OSTN: variants seen among roughly 807,000 people sequenced by gnomAD.
The protein encoded by OSTN is osteocrin.
Under a neutral mutation model 12.0 loss-of-function variants are expected in OSTN, and 9 were observed. That is an observed-to-expected ratio of 0.75 (90% CI 0.45 to 1.30). The LOEUF is 1.30. Among genes scored for constraint, OSTN ranks in the 50% most tolerant of loss-of-function variants. The probability of loss-of-function intolerance (pLI) is 0.00; values close to 1 mark genes in which losing one functional copy is unlikely to be tolerated. For missense variants in OSTN, 148 were observed against 152.3 expected (o/e 0.97, Z 0.15); for synonymous variants, 59 against 56.9 (o/e 1.04, Z -0.16).
At chr3:191,232,442 T>C (rs1715082437) in intron 3 of OSTN, among the ~76,000 whole-genome samples, 1 of 150,670 alleles carries the variant, frequency 6.6e-6, no homozygotes, top group Admixed American at 6.6e-5. Flanking sequence ...TTGTGATTTA[T>C]ATGAGTAACA....
chr3:191,203,270 G>C (rs1714192354), intron 1 of OSTN, among the ~76,000 whole-genome samples: 1 of 152,176 alleles, frequency 6.6e-6, no homozygotes, highest in African/African-American at 2.4e-5. Flanking sequence ...CATTCTGTAA[G>C]GTGCTGAGAT....
chr3:191,230,928 G>A (rs756509726), intron 3 of OSTN, among the ~76,000 whole-genome samples: 1 of 152,090 alleles, frequency 6.6e-6, no homozygotes, highest in Non-Finnish European at 1.5e-5. Flanking sequence ...GAGAAGTTTG[G>A]CAGTGTTAAG....
intron 1 of OSTN, among the ~76,000 whole-genome samples, chr3:191,203,329 C>T (rs1487834766): frequency 7.2e-5 from 11 of 152,132 alleles, no homozygotes; most frequent in Non-Finnish European, 1.0e-4. Context: ...TTTATAACAA[C>T]TAAACCCTTT....
At position 191,265,213 on chromosome 3, in the gene OSTN, C is replaced by T. The variant is rs1715896043; in HGVS notation, c.*2360C>T. The stretch of plus-strand genomic sequence containing the variant: ...AGGTATTACTAATCCAACTATATTT[C>T]AACTTGAAGGGACTTTTTTGTTTTG... On this transcript the variant is annotated 3_prime_UTR_variant, in exon 5 of 5. Transcript: ENST00000682035. The T allele has an allele frequency of 6.6e-6, 1 of 152,154 alleles. No homozygotes were observed. Among genetic ancestry groups the T allele is most frequent in the Admixed American group, 6.5e-5 (1 of 15,286 alleles). The allele number at this position is 152,154 out of a possible 1,614,324, so 9.4% of individuals were successfully genotyped here. A position where few individuals can be genotyped will look rare whatever the true frequency, so the allele number is the denominator to read the frequency against.
intron 3 of OSTN, among the ~76,000 whole-genome samples, chr3:191,244,326 T>A (rs1715384187): frequency 6.6e-6 from 1 of 151,980 alleles, no homozygotes; most frequent in African/African-American, 2.4e-5. Flanking sequence ...TCATTGTGAT[T>A]GTATTAAATT....
chr3:191,214,826 A>G (rs1434656756), intron 2 of OSTN, among the ~76,000 whole-genome samples: 1 of 152,182 alleles, frequency 6.6e-6, no homozygotes, highest in East Asian at 1.9e-4. Flanking sequence ...AAACCTGTCC[A>G]ACATGGTGAA....
intron 3 of OSTN, chr3:191,228,673 T>C (rs1253948308): frequency 1.3e-5 from 2 of 152,226 alleles, no homozygotes; most frequent in Non-Finnish European, 2.9e-5. Context: ...TATCAGTTCA[T>C]TGCTTTTGAA....
chr3:191,223,775 C>T (rs1192226439), intron 3 of OSTN, among the ~76,000 whole-genome samples: 1 of 151,572 alleles, frequency 6.6e-6, no homozygotes, highest in African/African-American at 2.4e-5. Flanking sequence ...AAATAGAATA[C>T]AGAGAAATCC....
chr3:191,219,534 A>T (rs1714711066), intron 3 of OSTN, among the ~76,000 whole-genome samples: 1 of 152,238 alleles, frequency 6.6e-6, no homozygotes, highest in Admixed American at 6.5e-5. Context: ...TAAAATTCAA[A>T]TGAGATAATC....
At chr3:191,220,568 A>T (rs995939532) in intron 3 of OSTN, among the ~76,000 whole-genome samples, 1 of 152,186 alleles carries the variant, frequency 6.6e-6, no homozygotes, top group African/African-American at 2.4e-5. Flanking sequence ...TATAGAGAAC[A>T]GTTTAGAGGT....
At chr3:191,209,568 A>T (rs968202597) in intron 1 of OSTN, among the ~76,000 whole-genome samples, 2 of 152,264 alleles carry the variant, frequency 1.3e-5, no homozygotes, top group Non-Finnish European at 2.9e-5. Flanking sequence ...AATTGGTGTC[A>T]AAATGAACAA....
intron 4 of OSTN, among the ~76,000 whole-genome samples, chr3:191,251,378 C>T (rs1052649011): frequency 3.9e-5 from 6 of 152,188 alleles, no homozygotes; most frequent in South Asian, 4.2e-4. Flanking sequence ...GGTGCATGCC[C>T]GCTCCCTAAC....
At chr3:191,235,776 C>T (rs1296163389) in intron 3 of OSTN, among the ~76,000 whole-genome samples, 1 of 152,160 alleles carries the variant, frequency 6.6e-6, no homozygotes, top group African/African-American at 2.4e-5. Context: ...CCCAGGCTGA[C>T]TCTCTCCACA....
At chr3:191,220,298 G>A (rs1714729769) in intron 3 of OSTN, among the ~76,000 whole-genome samples, 1 of 152,160 alleles carries the variant, frequency 6.6e-6, no homozygotes. Flanking sequence ...CTACATGTAT[G>A]TGAAAAATAA....
chr3:191,213,495 AT>A (rs1560114385), intron 2 of OSTN, among the ~76,000 whole-genome samples: 1 of 152,164 alleles, frequency 6.6e-6, no homozygotes, highest in East Asian at 1.9e-4. Flanking sequence ...GCTATATTTA[AT>A]TGAATCAGTT....
intron 1 of OSTN, among the ~76,000 whole-genome samples, chr3:191,203,162 A>G (rs1019317509): frequency 1.3e-5 from 2 of 152,194 alleles, no homozygotes; most frequent in Non-Finnish European, 2.9e-5. Flanking sequence ...CGTATCAAGA[A>G]AGCTGGGATA....
chr3:191,256,174 T>G (rs1355679793), intron 4 of OSTN, among the ~76,000 whole-genome samples: 1 of 152,086 alleles, frequency 6.6e-6, no homozygotes, highest in Admixed American at 6.5e-5. Context: ...TAAATACTAC[T>G]GATAACATAT....
At chr3:191,239,216 C>G (rs181163865) in intron 3 of OSTN, among the ~76,000 whole-genome samples, 1 of 152,172 alleles carries the variant, frequency 6.6e-6, no homozygotes, top group Admixed American at 6.5e-5. Context: ...AGTGTGGGAG[C>G]GGGCCTGAGC....
chr3:191,203,905 G>T (rs1025169936), intron 1 of OSTN, among the ~76,000 whole-genome samples: 1 of 152,026 alleles, frequency 6.6e-6, no homozygotes, highest in Non-Finnish European at 1.5e-5. Flanking sequence ...TATTTATTTT[G>T]AGATGGAGTT....
Sources: allele counts gnomAD v4.1 joint callset (sites outside exome capture counted in the v4.1 genomes callset), GRCh38; gene constraint gnomAD v4.1.1; transcripts MANE v1.5; gene names NCBI Gene and HGNC (gene_info 2026-07-23, HGNC 2026-07-21).